ZFP30: variants seen among roughly 807,000 people sequenced by gnomAD.
The protein encoded by ZFP30 is ZFP30 zinc finger protein.
A neutral mutation model predicts 12.3 loss-of-function variants in ZFP30; 16 were observed. That is an observed-to-expected ratio of 1.30 (90% CI 0.88 to 1.98). The LOEUF (loss-of-function observed/expected upper bound fraction) is 1.98. Among genes scored for constraint, ZFP30 ranks in the 30% most tolerant of loss-of-function variants. The pLI, the probability that ZFP30 is intolerant of heterozygous loss-of-function variation, is 0.00. For missense variants in ZFP30, 560 were observed against 611.2 expected, an observed-to-expected ratio of 0.92 and a Z score of 0.88; for synonymous variants, 172 against 201.0, an observed-to-expected ratio of 0.86 and a Z score of 1.22.
At position 37,647,867 on chromosome 19, in the gene ZFP30, G is replaced by A; in HGVS notation, c.-45C>T. On this transcript the variant is annotated 5_prime_UTR_variant, in exon 3 of 6. Coordinates refer to ENST00000684514, the MANE Select transcript of ZFP30 (RefSeq NM_001320669.3). ...CTGGTCAATTTTCCTCAAGGTTCAT[G>A]TACTTCAGAAGCAGGGTCCACAGAC... The A allele has an allele frequency of 6.2e-7, 1 of 1,612,528 alleles. No homozygotes were observed. Among genetic ancestry groups the A allele is most frequent in the Non-Finnish European group, 8.5e-7 (1 of 1,178,586 alleles).
chr19:37,649,237 CCT>C (rs1039729774), intron 2 of ZFP30, among the ~76,000 whole-genome samples: 3 of 126,932 alleles, frequency 2.4e-5, no homozygotes, highest in Non-Finnish European at 5.1e-5. Context: ...AAAGTAAGAC[CCT>C]GTCTCTTAAA....
chr19:37,647,993 C>G (rs1476247535), intron 2 of ZFP30, 94 bp from the exon 3 acceptor site: 6 of 651,262 alleles, frequency 9.2e-6, no homozygotes, highest in Non-Finnish European at 1.6e-5. Context: ...CTATATGCAA[C>G]TCCCACCCCC....
At chr19:37,649,389 G>C (rs577381835) in intron 2 of ZFP30, among the ~76,000 whole-genome samples, 3 of 152,230 alleles carry the variant, frequency 2.0e-5, no homozygotes, top group Admixed American at 6.5e-5. Flanking sequence ...TAGTTACTAA[G>C]CTGTTGGGGA....
chr19:37,655,139 C>G (rs370792933), intron 1 of ZFP30: 5 of 152,476 alleles, frequency 3.3e-5, no homozygotes, highest in African/African-American at 1.2e-4. Flanking sequence ...ACGGCCGAGC[C>G]TAAGTGGCTG....
At position 37,644,752 on chromosome 19, in the gene ZFP30, CATGT is replaced by C; in HGVS notation, c.10-20_10-17del. On this transcript the variant is annotated splice_polypyrimidine_tract_variant and intron_variant, in intron 3 of 5. Transcript: ENST00000684514. Reference sequence around the variant, plus strand: ...TCACCAAATCCTGAAATGATAAACGCATGTATTATTTGTAAGATAAATGAAAATA... The same window carrying C: ...TCACCAAATCCTGAAATGATAAACGCATTATTTGTAAGATAAATGAAAATA... The C allele has an allele frequency of 6.3e-7, 1 of 1,599,728 alleles. No homozygotes were observed. The highest frequency in any genetic ancestry group is 8.5e-7 in the Non-Finnish European group (1 of 1,175,658).
chr19:37,648,465 T>A (rs951934721), intron 2 of ZFP30, among the ~76,000 whole-genome samples: 1 of 152,062 alleles, frequency 6.6e-6, no homozygotes, highest in Non-Finnish European at 1.5e-5. Flanking sequence ...TAGTGTGACG[T>A]GGGATTTAGG....
rs953304387 is a variant in ZFP30 at position 37,634,819 on chromosome 19, G to A, written c.*162C>T. 3 of 736,888 alleles carry A rather than the reference G, an allele frequency of 4.1e-6. No homozygotes were observed. Among genetic ancestry groups the A allele is most frequent in the Admixed American group, 7.4e-5 (2 of 27,100 alleles). The allele number at this position is 736,888 out of a possible 1,614,324, so 45.6% of individuals were successfully genotyped here. On this transcript the variant is annotated 3_prime_UTR_variant, in exon 6 of 6. Transcript: ENST00000684514. ...TAACATGGTTTCAAAGGTGATGAAA[G>A]GCTTCTATATGTTCATTAACATATT...
chr19:37,641,687 T>G (rs1398755176), intron 5 of ZFP30, among the ~76,000 whole-genome samples: 4 of 152,330 alleles, frequency 2.6e-5, no homozygotes, highest in South Asian at 2.1e-4. Context: ...AAAAAATGAA[T>G]TATTAAATAT....
Position 37,637,977 on chromosome 19 carries a change from C to T in ZFP30, c.236-1672G>A, listed in dbSNP as rs183270848. Among the ~76,000 whole-genome samples, 115 of 152,312 alleles carry T rather than the reference C, an allele frequency of 7.6e-4. 1 individual carries two copies. Among genetic ancestry groups the T allele is most frequent in the Non-Finnish European group, 3.5e-4 (24 of 68,028 alleles). ...TCTCATAATTAGTCAACAATTATGG[C>T]ATATGGTATCCTGCCTCCAATCTTA... On this transcript the variant is annotated intron_variant, in intron 5 of 5. Transcript: ENST00000684514.
upstream of ZFP30, chr19:37,655,691 C>A (rs1428077726): frequency 6.6e-6 from 1 of 152,340 alleles, no homozygotes; most frequent in South Asian, 2.1e-4. Flanking sequence ...TCCAGGCCTG[C>A]TCCCCTGTGG....
chr19:37,636,965 C>A (rs141717391), intron 5 of ZFP30, among the ~76,000 whole-genome samples: 2,087 of 152,110 alleles, frequency 0.014, 44 homozygotes, highest in African/African-American at 0.046. Flanking sequence ...CCTGCCTCGG[C>A]CTCCCAAAGT....
intron 5 of ZFP30, among the ~76,000 whole-genome samples, chr19:37,642,436 G>A (rs558299150): frequency 5.9e-5 from 9 of 152,266 alleles, no homozygotes; most frequent in African/African-American, 2.2e-4. Context: ...ACTGGAGCCT[G>A]ACCAACCCAT....
At chr19:37,643,394 A>T in intron 4 of ZFP30, 31 bp from the exon 5 acceptor site, 2 of 1,432,038 alleles carry the variant, frequency 1.4e-6, no homozygotes, top group Non-Finnish European at 1.9e-6. Context: ...TATAATAAAG[A>T]ATTTATTTAA....
At chr19:37,655,631 C>G (rs1210882500), upstream of ZFP30, 1 of 152,432 alleles carries the variant, frequency 6.6e-6, no homozygotes, top group Non-Finnish European at 1.5e-5. Flanking sequence ...TCGCCTCAGG[C>G]CTCTACCTGT....
chr19:37,647,804 T>A lies in ZFP30; in HGVS notation c.9+10A>T. ...ACAGAATTCCAAAGTAGAGAGAAAT[T>A]CCAACTTACACGAGCCATGATTTTA... is the stretch of plus-strand genomic sequence containing the variant. On this transcript the variant is annotated intron_variant, in intron 3 of 5. Coordinates refer to ENST00000684514, the MANE Select transcript of ZFP30 (RefSeq NM_001320669.3). 1 of 1,613,918 alleles carries A rather than the reference T, an allele frequency of 6.2e-7. No homozygotes were observed.
Position 37,636,174 on chromosome 19 carries a change from C to G in ZFP30, c.367G>C (p.Val123Leu). ...GTTTTTGTCACTTGCCTGAAACACA[C>G]CTCATGAGGACTTTCTTGTTCTTCA... ...GLEEQESPHE[V>L]CFRQVTKTTS... Residue 123 changes from valine to leucine, a missense_variant, in exon 6 of 6, where the codon GTG becomes CTG. Coordinates refer to ENST00000684514, the MANE Select transcript of ZFP30 (RefSeq NM_001320669.3). 6.2e-7 allele frequency: 1 copy of G among 1,614,088 alleles called. No individual in the cohort carries two copies. Among genetic ancestry groups the G allele is most frequent in the South Asian group, 1.1e-5 (1 of 91,084 alleles).
rs36102656 is a variant in ZFP30, at chr19:37,639,798, TA to T, written c.235+3466del. Among the ~76,000 whole-genome samples the T allele has an allele frequency of 1.0e-3, 152 of 148,894 alleles. 2 individuals carry two copies. Among genetic ancestry groups the T allele is most frequent in the African/African-American group, 2.4e-3 (96 of 40,570 alleles). On this transcript the variant is annotated intron_variant, in intron 5 of 5. Transcript: ENST00000684514. ...ATCCTGTAAAATTTGAAGGTTTTCA[TA>T]AAAAAAAAAAAATTGCCAGTGTTGA... is the stretch of plus-strand genomic sequence containing the variant.
Position 37,636,070 on chromosome 19 carries a change from G to C in ZFP30, c.471C>G (p.Pro157=). 1.2e-6 allele frequency: 2 copies of C among 1,614,154 alleles called. No individual in the cohort carries two copies. The highest frequency in any genetic ancestry group is 1.7e-6 in the Non-Finnish European group (2 of 1,180,024). Residue 157 remains proline (P), a synonymous_variant, in exon 6 of 6, where the codon CCC becomes CCG. Transcript: ENST00000684514. ...LYQKSHNREK[P]YECGECGKAF... is the part of the protein sequence containing the mutation. ...CCTTCCCACATTCCCCACATTCGTA[G>C]GGTTTCTCTCTGTTATGACTTTTCT...
chr19:37,642,950 G>C (rs2044464712), intron 5 of ZFP30, among the ~76,000 whole-genome samples: 1 of 151,868 alleles, frequency 6.6e-6, no homozygotes, highest in Non-Finnish European at 1.5e-5. Context: ...CTACTGGGGA[G>C]GCTGAGGCAG....
Sources: gnomAD v4.1 joint callset for allele counts (sites outside exome capture counted in the v4.1 genomes callset) on GRCh38, gnomAD v4.1.1 for gene constraint, MANE v1.5 for transcripts, NCBI Gene and HGNC (gene_info 2026-07-23, HGNC 2026-07-21) for gene names.